ZFAND6: variants seen among roughly 807,000 people sequenced by gnomAD.
ZFAND6 encodes zinc finger AN1-type containing 6, also known as AN1-type zinc finger protein 6.
Under a neutral mutation model 24.5 loss-of-function variants are expected in ZFAND6, and 12 were observed. The observed-to-expected ratio is 0.49, with a 90% confidence interval of 0.31 to 0.79. The LOEUF (loss-of-function observed/expected upper bound fraction) is 0.79, where lower values mean the gene tolerates loss of function less well. Among genes scored for constraint, ZFAND6 ranks in the 30% least tolerant of loss-of-function variants. The probability of loss-of-function intolerance (pLI) is 0.04; values close to 1 mark genes in which losing one functional copy is unlikely to be tolerated. For missense variants in ZFAND6, 207 were observed against 245.9 expected (o/e 0.84, Z 1.06); for synonymous variants, 92 against 81.5 (o/e 1.13, Z -0.69).
chr15:80,109,781 T>C (rs543736742), intron 2 of ZFAND6, among the ~76,000 whole-genome samples: 2 of 152,320 alleles, frequency 1.3e-5, no homozygotes, highest in Admixed American at 6.5e-5. Context: ...CAGGGAGATA[T>C]ATATACCAGA....
At chr15:80,075,770 A>G (rs925497566) in intron 1 of ZFAND6, among the ~76,000 whole-genome samples, 3 of 152,118 alleles carry the variant, frequency 2.0e-5, no homozygotes, top group Non-Finnish European at 2.9e-5. Context: ...TTGTTTGACT[A>G]AATTTGGTTT....
chr15:80,132,334 T>G (rs900421903), intron 6 of ZFAND6, among the ~76,000 whole-genome samples: 5 of 152,210 alleles, frequency 3.3e-5, no homozygotes, highest in Non-Finnish European at 7.3e-5. Context: ...GTGTATTTTA[T>G]CATTTACTAC....
At chr15:80,069,523 A>G (rs1401091311) in intron 1 of ZFAND6, among the ~76,000 whole-genome samples, 1 of 152,152 alleles carries the variant, frequency 6.6e-6, no homozygotes, top group Admixed American at 6.5e-5. Flanking sequence ...CCTCATACAC[A>G]CCTTGTAATC....
chr15:80,086,667 T>C (rs2038024243), intron 1 of ZFAND6, among the ~76,000 whole-genome samples: 1 of 152,218 alleles, frequency 6.6e-6, no homozygotes, highest in African/African-American at 2.4e-5. Flanking sequence ...TGTGATAAAA[T>C]ATACATAAAA....
chr15:80,114,591 C>G (rs902352972), intron 2 of ZFAND6, among the ~76,000 whole-genome samples: 1 of 152,070 alleles, frequency 6.6e-6, no homozygotes, highest in Non-Finnish European at 1.5e-5. Context: ...TGAAGCATTT[C>G]AAAATAAAAA....
intron 1 of ZFAND6, among the ~76,000 whole-genome samples, chr15:80,082,820 C>G (rs573572307): frequency 6.6e-6 from 1 of 151,986 alleles, no homozygotes; most frequent in South Asian, 2.1e-4. Context: ...CTTTGATTTC[C>G]TATGAACTAA....
At chr15:80,083,587 A>G (rs1231702481) in intron 1 of ZFAND6, among the ~76,000 whole-genome samples, 1 of 152,234 alleles carries the variant, frequency 6.6e-6, no homozygotes, top group Non-Finnish European at 1.5e-5. Context: ...GTAACTTTAG[A>G]GAAAAGCGTG....
chr15:80,131,072 C>A, intron 5 of ZFAND6, 108 bp from the exon 6 acceptor site: 4 of 783,310 alleles, frequency 5.1e-6, no homozygotes, highest in Non-Finnish European at 7.8e-6. Flanking sequence ...GTTTTCTGTG[C>A]TAATAAATTC....
chr15:80,120,252 T>C (rs1277609487), intron 2 of ZFAND6, 76 bp from the exon 3 acceptor site: 3 of 1,249,312 alleles, frequency 2.4e-6, no homozygotes, highest in Non-Finnish European at 1.1e-6. Flanking sequence ...TTCTTTATCA[T>C]ATAAAAGCAG....
intron 1 of ZFAND6, among the ~76,000 whole-genome samples, chr15:80,069,298 G>A (rs911161058): frequency 1.3e-5 from 2 of 151,942 alleles, no homozygotes; most frequent in African/African-American, 4.8e-5. Context: ...TTTTATTTTT[G>A]TCTCACTATT....
intron 1 of ZFAND6, among the ~76,000 whole-genome samples, chr15:80,070,339 T>C (rs964804026): frequency 6.6e-6 from 1 of 152,238 alleles, no homozygotes; most frequent in African/African-American, 2.4e-5. Context: ...TAAAAAGTGT[T>C]GTTACTGCAT....
chr15:80,070,861 A>G (rs1437164041), intron 1 of ZFAND6, among the ~76,000 whole-genome samples: 6 of 151,614 alleles, frequency 4.0e-5, no homozygotes, highest in Non-Finnish European at 8.8e-5. Context: ...CTCAAATCTT[A>G]TGCTGTAATT....
intron 5 of ZFAND6, among the ~76,000 whole-genome samples, chr15:80,126,481 C>T (rs961530392): frequency 2.6e-5 from 4 of 152,116 alleles, no homozygotes; most frequent in Admixed American, 1.3e-4. Flanking sequence ...CAGAAATAAA[C>T]TCTTATTATA....
At chr15:80,068,105 G>C (rs1312540327) in intron 1 of ZFAND6, among the ~76,000 whole-genome samples, 3 of 150,892 alleles carry the variant, frequency 2.0e-5, no homozygotes, top group African/African-American at 7.3e-5. Context: ...GGGACTACAG[G>C]CGAGCACCAC....
chr15:80,073,726 C>A (rs2037108634), intron 1 of ZFAND6, among the ~76,000 whole-genome samples: 1 of 151,868 alleles, frequency 6.6e-6, no homozygotes, highest in Non-Finnish European at 1.5e-5. Context: ...TATATTCTTG[C>A]AGTTTTCCAA....
intron 1 of ZFAND6, among the ~76,000 whole-genome samples, chr15:80,091,476 C>T (rs12591712): frequency 0.077 from 11,695 of 152,020 alleles, 515 homozygotes; most frequent in East Asian, 0.19. Flanking sequence ...CGCAGAGTTC[C>T]GTTTAGATAA....
intron 2 of ZFAND6, among the ~76,000 whole-genome samples, chr15:80,106,391 T>G (rs868651947): frequency 7.9e-5 from 12 of 152,300 alleles, no homozygotes; most frequent in Middle Eastern, 6.8e-3. Context: ...GCCATTCCTA[T>G]TCATTTACTT....
chr15:80,068,061 A>C (rs2036755826), intron 1 of ZFAND6, among the ~76,000 whole-genome samples: 1 of 151,326 alleles, frequency 6.6e-6, no homozygotes, highest in African/African-American at 2.4e-5. Flanking sequence ...TCCTGGGTTC[A>C]AGTGATTCTC....
intron 6 of ZFAND6, among the ~76,000 whole-genome samples, chr15:80,133,495 G>A (rs1000529135): frequency 4.6e-5 from 7 of 152,116 alleles, no homozygotes; most frequent in African/African-American, 9.6e-5. Context: ...ACACCTGGCC[G>A]GTTTGGTAAT....
Sources: allele counts gnomAD v4.1 joint callset (sites outside exome capture counted in the v4.1 genomes callset), GRCh38; gene constraint gnomAD v4.1.1; transcripts MANE v1.5; gene names NCBI Gene and HGNC (gene_info 2026-07-23, HGNC 2026-07-21).